Variants in MARCHF11 observed in about 807,000 individuals in gnomAD.
MARCHF11 encodes the protein E3 ubiquitin-protein ligase MARCHF11.
MARCHF11 carries 29 observed loss-of-function variants against 37.3 expected under a neutral mutation model. The ratio of observed to expected loss-of-function variants is 0.78; its 90% CI spans 0.58 to 1.06. The LOEUF (loss-of-function observed/expected upper bound fraction) is 1.06. Ranked by LOEUF, MARCHF11 falls within the 50% of genes least tolerant of loss-of-function variation. The pLI is 0.00. For synonymous variants in MARCHF11, 233 were observed against 228.0 expected (o/e 1.02, Z -0.20); for missense variants, 482 against 533.4 (o/e 0.90, Z 0.95).
chr5:16,123,102 C>T (rs1005970640), intron 2 of MARCHF11, among the ~76,000 whole-genome samples: 9 of 152,144 alleles, frequency 5.9e-5, no homozygotes, highest in South Asian at 2.1e-4. Context: ...GAACCCTTTG[C>T]TTCTTGTCTG....
At chr5:16,169,310 C>T (rs750322411) in intron 2 of MARCHF11, among the ~76,000 whole-genome samples, 1 of 147,374 alleles carries the variant, frequency 6.8e-6, no homozygotes, top group African/African-American at 2.5e-5. Context: ...CACTTGGCCA[C>T]CTGCACCAAA....
At chr5:16,146,848 A>G (rs1399210004) in intron 2 of MARCHF11, among the ~76,000 whole-genome samples, 2 of 152,148 alleles carry the variant, frequency 1.3e-5, no homozygotes, top group East Asian at 1.9e-4. Context: ...TTAAGAAAGA[A>G]CAACTCTTTT....
chr5:16,149,376 C>T (rs1164575273), intron 2 of MARCHF11, among the ~76,000 whole-genome samples: 1 of 152,062 alleles, frequency 6.6e-6, no homozygotes, highest in Non-Finnish European at 1.5e-5. Context: ...AATGAAAAAT[C>T]GTAAGAATTC....
chr5:16,155,810 G>A (rs113765263), intron 2 of MARCHF11, among the ~76,000 whole-genome samples: 662 of 152,028 alleles, frequency 4.4e-3, no homozygotes, highest in Non-Finnish European at 7.6e-3. Flanking sequence ...TTGTCAGTAA[G>A]TATTTCTAGA....
chr5:16,109,794 C>T (rs1408430109), intron 2 of MARCHF11, among the ~76,000 whole-genome samples: 1 of 152,128 alleles, frequency 6.6e-6, no homozygotes, highest in African/African-American at 2.4e-5. Context: ...ATGCTGACTC[C>T]AGGTCAACTG....
chr5:16,080,344 C>T (rs1306713793), intron 3 of MARCHF11, among the ~76,000 whole-genome samples: 3 of 152,078 alleles, frequency 2.0e-5, no homozygotes, highest in Non-Finnish European at 4.4e-5. Flanking sequence ...AGCCACGATC[C>T]TCTCCCTCCC....
intron 2 of MARCHF11, among the ~76,000 whole-genome samples, chr5:16,097,213 A>G (rs1298413022): frequency 6.6e-6 from 1 of 152,232 alleles, no homozygotes; most frequent in East Asian, 1.9e-4. Flanking sequence ...ATGCTGGCAG[A>G]AAACATCTCA....
At chr5:16,076,295 A>AT (rs11451511) in intron 3 of MARCHF11, among the ~76,000 whole-genome samples, 4,897 of 152,052 alleles carry the variant, frequency 0.032, 258 homozygotes, top group African/African-American at 0.11. Flanking sequence ...CTTTTTTATC[A>AT]TTTTTTTTAA....
intron 2 of MARCHF11, among the ~76,000 whole-genome samples, chr5:16,138,573 T>C (rs1579405731): frequency 6.6e-6 from 1 of 152,162 alleles, no homozygotes; most frequent in South Asian, 2.1e-4. Context: ...GGTGGAGCCG[T>C]GAGAAGAGGG....
At chr5:16,098,917 A>G (rs1295709079) in intron 2 of MARCHF11, among the ~76,000 whole-genome samples, 1 of 152,220 alleles carries the variant, frequency 6.6e-6, no homozygotes, top group Non-Finnish European at 1.5e-5. Context: ...TAAAAAGATA[A>G]TCTACAAACT....
At chr5:16,154,360 A>C (rs911264293) in intron 2 of MARCHF11, among the ~76,000 whole-genome samples, 6 of 152,024 alleles carry the variant, frequency 3.9e-5, no homozygotes, top group African/African-American at 1.4e-4. Context: ...GGCCACATTT[A>C]CATAAATTAT....
At chr5:16,146,458 A>C (rs1326738553) in intron 2 of MARCHF11, among the ~76,000 whole-genome samples, 1 of 152,146 alleles carries the variant, frequency 6.6e-6, no homozygotes, top group African/African-American at 2.4e-5. Context: ...GGATGATCTC[A>C]ACTCAAAAGT....
At chr5:16,148,280 A>G (rs1234057678) in intron 2 of MARCHF11, among the ~76,000 whole-genome samples, 1 of 152,138 alleles carries the variant, frequency 6.6e-6, no homozygotes, top group Non-Finnish European at 1.5e-5. Flanking sequence ...TATAATGTGT[A>G]AAACCATATA....
At chr5:16,087,106 C>G (rs1376001779) in intron 3 of MARCHF11, among the ~76,000 whole-genome samples, 1 of 152,198 alleles carries the variant, frequency 6.6e-6, no homozygotes, top group East Asian at 1.9e-4. Flanking sequence ...ATCATGCCAT[C>G]TATTTAAACA....
At chr5:16,175,875 C>T (rs546191283) in intron 2 of MARCHF11, among the ~76,000 whole-genome samples, 2 of 152,276 alleles carry the variant, frequency 1.3e-5, no homozygotes, top group South Asian at 2.1e-4. Flanking sequence ...GATCAGGTTA[C>T]AGATAATAGT....
chr5:16,101,307 C>T (rs1231473473), intron 2 of MARCHF11, among the ~76,000 whole-genome samples: 6 of 152,100 alleles, frequency 3.9e-5, no homozygotes, highest in South Asian at 2.1e-4. Context: ...ACCCCGGAGG[C>T]GGAGCTTGCA....
chr5:16,111,931 AG>A (rs1737146786), intron 2 of MARCHF11, among the ~76,000 whole-genome samples: 1 of 152,218 alleles, frequency 6.6e-6, no homozygotes, highest in Non-Finnish European at 1.5e-5. Flanking sequence ...ATGGCTTCAG[AG>A]GGTGCAAGCC....
At chr5:16,129,021 T>C (rs3761733) in intron 2 of MARCHF11, among the ~76,000 whole-genome samples, 34,799 of 152,122 alleles carry the variant, frequency 0.23, 4,154 homozygotes, top group South Asian at 0.32. Flanking sequence ...ATTTATATTT[T>C]TATGCAAAGA....
intron 2 of MARCHF11, among the ~76,000 whole-genome samples, chr5:16,132,768 C>T (rs1440221188): frequency 6.6e-6 from 1 of 151,976 alleles, no homozygotes; most frequent in East Asian, 1.9e-4. Context: ...GAAACAAGAA[C>T]AGAAAATAAC....
Sources: allele counts gnomAD v4.1 joint callset (sites outside exome capture counted in the v4.1 genomes callset), GRCh38; gene constraint gnomAD v4.1.1; transcripts MANE v1.5; gene names NCBI Gene and HGNC (gene_info 2026-07-23, HGNC 2026-07-21).